The following FMO4 variants were observed in gnomAD, a reference collection of about 807,000 sequenced individuals.
The protein encoded by FMO4 is dimethylaniline monooxygenase [N-oxide-forming] 4.
A neutral mutation model predicts 43.3 loss-of-function variants in FMO4; 38 were observed. That is an observed-to-expected ratio of 0.88 (90% CI 0.68 to 1.15). The LOEUF is 1.15. FMO4 is among the 50% of genes most tolerant of loss of function. The pLI is 0.00. For missense variants in FMO4, 631 were observed against 663.3 expected, an observed-to-expected ratio of 0.95 and a Z score of 0.54; for synonymous variants, 224 against 232.2, an observed-to-expected ratio of 0.96 and a Z score of 0.32.
chr1:171,324,112 A>G (rs1662554141), intron 4 of FMO4, 26 bp from the exon 5 acceptor site: 1 of 1,593,460 alleles, frequency 6.3e-7, no homozygotes, highest in South Asian at 1.1e-5. Context: ...GTTAGTGAGA[A>G]GTGAGTGTTT....
chr1:171,331,863 C>A, intron 6 of FMO4, 81 bp downstream of exon 6: 10 of 1,262,706 alleles, frequency 7.9e-6, no homozygotes, highest in East Asian at 2.4e-5. Context: ...CTATGAAGTA[C>A]ATTGGCCAAT....
intron 3 of FMO4, among the ~76,000 whole-genome samples, chr1:171,320,991 A>G (rs1662400664): frequency 6.6e-6 from 1 of 152,128 alleles, no homozygotes; most frequent in Admixed American, 6.6e-5. Flanking sequence ...ATAAAACAGA[A>G]TAAGCAACTA....
intron 5 of FMO4, 31 bp downstream of exon 5, chr1:171,324,331 T>A: frequency 6.5e-7 from 1 of 1,544,282 alleles, no homozygotes; most frequent in Non-Finnish European, 8.8e-7. Context: ...ACCATGCCTA[T>A]GCTTCTGGGT....
intron 2 of FMO4, among the ~76,000 whole-genome samples, chr1:171,319,360 T>C (rs2101875895): frequency 6.6e-6 from 1 of 152,264 alleles, no homozygotes; most frequent in Admixed American, 6.5e-5. Flanking sequence ...CCACTGGAGC[T>C]TGGGGTTTAT....
At chr1:171,324,470 T>A (rs761931840) in intron 5 of FMO4, among the ~76,000 whole-genome samples, 170 bp downstream of exon 5, 2 of 152,180 alleles carry the variant, frequency 1.3e-5, no homozygotes, top group Non-Finnish European at 2.9e-5. Flanking sequence ...ACTATGTAGG[T>A]GTCAGGTCTT....
intron 8 of FMO4, 27 bp downstream of exon 8, chr1:171,334,790 T>C (rs770228458): frequency 2.2e-6 from 3 of 1,345,822 alleles, no homozygotes; most frequent in Non-Finnish European, 3.0e-6. Context: ...GAAAGTCCTC[T>C]CTTTGGATCG....
At chr1:171,320,635 C>T (rs917560828) in intron 3 of FMO4, among the ~76,000 whole-genome samples, 5 of 152,158 alleles carry the variant, frequency 3.3e-5, no homozygotes, top group Admixed American at 3.3e-4. Flanking sequence ...GTGCTGGTTA[C>T]TGGAAGTAGC....
chr1:171,316,429 T>C (rs1478270834), intron 2 of FMO4, 102 bp downstream of exon 2: 1 of 152,124 alleles, frequency 6.6e-6, no homozygotes, highest in Non-Finnish European at 1.5e-5. Flanking sequence ...AGTAGGGAGG[T>C]AGAGAATGAA....
intron 4 of FMO4, 115 bp from the exon 5 acceptor site, chr1:171,324,023 G>A: frequency 1.2e-6 from 1 of 867,726 alleles, no homozygotes. Flanking sequence ...AATATTAATA[G>A]ACCTCCTGTC....
At chr1:171,334,888 G>T in intron 8 of FMO4, 125 bp downstream of exon 8, 1 of 574,196 alleles carries the variant, frequency 1.7e-6, no homozygotes, top group Non-Finnish European at 3.1e-6. Context: ...ACAATTAATT[G>T]TATATGTTTG....
intron 8 of FMO4, among the ~76,000 whole-genome samples, chr1:171,336,648 G>C (rs1054698882): frequency 6.6e-6 from 1 of 152,064 alleles, no homozygotes; most frequent in Non-Finnish European, 1.5e-5. Flanking sequence ...CCATTGCCCA[G>C]GCTGGAGTGC....
Position 171,319,881 on chromosome 1 carries a change from A to G in FMO4, c.56A>G (p.Lys19Arg). 6.2e-7 allele frequency: 1 copy of G among 1,613,848 alleles called. No individual in the cohort carries two copies. The highest frequency in any genetic ancestry group is 8.5e-7 in the Non-Finnish European group (1 of 1,179,790). Reference sequence around the variant, plus strand: ...GGTGTGAGTGGCCTCTCCTCCATCAAATGCTGTGTGGATGAGGACCTGGAG... The same window carrying G: ...GGTGTGAGTGGCCTCTCCTCCATCAGATGCTGTGTGGATGAGGACCTGGAG... ...GAGVSGLSSI[K>R]CCVDEDLEPT... The change falls in exon 3 of 10, where the codon AAA (lysine) becomes AGA (arginine). Residue 19 changes from lysine to arginine, a missense_variant. Transcript: ENST00000367749.
chr1:171,324,108 G>C, intron 4 of FMO4, 30 bp from the exon 5 acceptor site: 1 of 1,588,040 alleles, frequency 6.3e-7, no homozygotes, highest in Non-Finnish European at 8.6e-7. Flanking sequence ...GGGTGTTAGT[G>C]AGAAGTGAGT....
chr1:171,319,024 G>A (rs1425022170), intron 2 of FMO4, among the ~76,000 whole-genome samples: 1 of 152,204 alleles, frequency 6.6e-6, no homozygotes, highest in African/African-American at 2.4e-5. Context: ...GCTATTTACA[G>A]ACAGCTAAGT....
intron 9 of FMO4, among the ~76,000 whole-genome samples, chr1:171,337,805 C>CA (rs1393920142): frequency 6.6e-6 from 1 of 152,128 alleles, no homozygotes; most frequent in African/African-American, 2.4e-5. Context: ...ACTTAGTCCT[C>CA]AGGCCTCTTC....
intron 3 of FMO4, among the ~76,000 whole-genome samples, chr1:171,320,209 T>A (rs976346267): frequency 6.6e-6 from 1 of 152,176 alleles, no homozygotes; most frequent in East Asian, 1.9e-4. Flanking sequence ...TAAATAAGCA[T>A]AGTATTGGAC....
At chr1:171,315,316 G>A (rs557559660) in intron 1 of FMO4, among the ~76,000 whole-genome samples, 1 of 152,106 alleles carries the variant, frequency 6.6e-6, no homozygotes, top group Admixed American at 6.6e-5. Context: ...ATAAATATAA[G>A]CACCTTTGAG....
chr1:171,329,203 C>T (rs1027158366), intron 5 of FMO4, among the ~76,000 whole-genome samples: 2 of 151,770 alleles, frequency 1.3e-5, no homozygotes, highest in Non-Finnish European at 2.9e-5. Context: ...TGAACTGGCC[C>T]CAATCCTGGG....
At chr1:171,323,238 T>C in intron 4 of FMO4, 46 bp downstream of exon 4, 1 of 1,241,698 alleles carries the variant, frequency 8.1e-7, no homozygotes. Context: ...GGGGCTGGCC[T>C]ATTCAGCAAT....
Sources: allele counts gnomAD v4.1 joint callset (sites outside exome capture counted in the v4.1 genomes callset), GRCh38; gene constraint gnomAD v4.1.1; transcripts MANE v1.5; gene names NCBI Gene and HGNC (gene_info 2026-07-23, HGNC 2026-07-21).